MAGI3: variants seen among roughly 807,000 people sequenced by gnomAD.
MAGI3 encodes membrane-associated guanylate kinase, WW and PDZ domain-containing protein 3.
A neutral mutation model predicts 121.8 loss-of-function variants in MAGI3; 43 were observed. The observed-to-expected ratio is 0.35, with a 90% CI of 0.28 to 0.46. The LOEUF (loss-of-function observed/expected upper bound fraction) is 0.46, where lower values mean the gene tolerates loss of function less well. Among genes scored for constraint, MAGI3 ranks in the 20% least tolerant of loss-of-function variants. MAGI3 has a pLI of 1.00. For missense variants in MAGI3, 1,547 were observed against 1,797.3 expected (o/e 0.86, Z 2.52); for synonymous variants, 553 against 639.3 (o/e 0.86, Z 2.04).
chr1:113,638,154 A>C (rs1340792095), intron 9 of MAGI3, among the ~76,000 whole-genome samples: 1 of 152,096 alleles, frequency 6.6e-6, no homozygotes, highest in Non-Finnish European at 1.5e-5. Flanking sequence ...AAAGTTTTTA[A>C]CTTCTTTGCC....
chr1:113,684,103 T>TA lies in MAGI3; in HGVS notation c.*89_*90insA. On this transcript the variant is annotated 3_prime_UTR_variant, in exon 21 of 21. Coordinates refer to ENST00000307546, the MANE Select transcript of MAGI3 (RefSeq NM_001142782.2). ...AAAGCCTTTTTTTTTTTTTCAGATATTCTGAAACAGATAAGTACATGTTAA... is the reference window on the plus strand; with the variant it reads ...AAAGCCTTTTTTTTTTTTTCAGATATATCTGAAACAGATAAGTACATGTTAA... 1 of 1,347,112 alleles carries TA rather than the reference T, an allele frequency of 7.4e-7. No individual in the cohort carries two copies. The highest frequency in any genetic ancestry group is 9.9e-7 in the Non-Finnish European group (1 of 1,011,786). 83.4% of individuals were successfully genotyped at this position (1,347,112 alleles called of 1,614,324 possible). A position where few individuals can be genotyped will look rare whatever the true frequency, so the allele number is the denominator to read the frequency against.
intron 1 of MAGI3, among the ~76,000 whole-genome samples, chr1:113,485,473 A>G (rs1246950922): frequency 6.6e-6 from 1 of 152,086 alleles, no homozygotes; most frequent in Non-Finnish European, 1.5e-5. Flanking sequence ...AGAGTTATCT[A>G]TTCATGTCCT....
chr1:113,567,301 C>A (rs1455363145), intron 2 of MAGI3, among the ~76,000 whole-genome samples: 1 of 151,814 alleles, frequency 6.6e-6, no homozygotes, highest in Admixed American at 6.6e-5. Context: ...CAAAAACCTC[C>A]CAACAAAGAA....
Position 113,683,919 on chromosome 1 carries a change from C to CG in MAGI3, c.4351_4352insG (p.Pro1451ArgfsTer3). On this transcript the variant is annotated frameshift_variant, in exon 21 of 21. Coordinates refer to ENST00000307546, the MANE Select transcript of MAGI3 (RefSeq NM_001142782.2). LOFTEE classifies it high-confidence loss of function. ...AAGGTTCAAACCGGAAAGCAGTTCT[C>CG]CAGTTAAGAAAACACTGATAACTCC... 1 of 1,611,180 alleles carries CG rather than the reference C, an allele frequency of 6.2e-7. No homozygotes were observed. Among genetic ancestry groups the CG allele is most frequent in the Non-Finnish European group, 8.5e-7 (1 of 1,178,710 alleles).
chr1:113,625,468 T>C (rs1299534971), intron 9 of MAGI3, among the ~76,000 whole-genome samples: 1 of 152,216 alleles, frequency 6.6e-6, no homozygotes. Context: ...CTATTGTGAA[T>C]AGGATTACTT....
At chr1:113,452,107 G>A (rs1654512782) in intron 1 of MAGI3, among the ~76,000 whole-genome samples, 1 of 152,154 alleles carries the variant, frequency 6.6e-6, no homozygotes, top group Non-Finnish European at 1.5e-5. Context: ...CTGAGCAGAA[G>A]CAGGGCAAAC....
intron 1 of MAGI3, among the ~76,000 whole-genome samples, chr1:113,428,370 A>T (rs1455241170): frequency 6.6e-6 from 1 of 152,132 alleles, no homozygotes; most frequent in African/African-American, 2.4e-5. Flanking sequence ...TAGTTCATTC[A>T]GCTCTATTTA....
chr1:113,496,997 C>G (rs1056102910), intron 1 of MAGI3, among the ~76,000 whole-genome samples: 1 of 152,168 alleles, frequency 6.6e-6, no homozygotes. Flanking sequence ...GTGGCTCACA[C>G]CTGTAGTCCC....
intron 16 of MAGI3, among the ~76,000 whole-genome samples, chr1:113,664,209 C>CTAT (rs1359171902): frequency 2.0e-5 from 3 of 152,186 alleles, no homozygotes; most frequent in African/African-American, 7.2e-5. Context: ...TCTAATTCCT[C>CTAT]TATTTACAGG....
chr1:113,421,495 A>C (rs576916069), intron 1 of MAGI3, among the ~76,000 whole-genome samples: 2 of 152,318 alleles, frequency 1.3e-5, no homozygotes, highest in Admixed American at 6.5e-5. Context: ...CATAAAATCC[A>C]GGCTTTAGAG....
At chr1:113,444,846 C>T (rs756046988) in intron 1 of MAGI3, among the ~76,000 whole-genome samples, 16 of 152,156 alleles carry the variant, frequency 1.1e-4, no homozygotes, top group Admixed American at 2.6e-4. Flanking sequence ...TAAAGGAAGA[C>T]GTGGGGAAAG....
intron 1 of MAGI3, among the ~76,000 whole-genome samples, chr1:113,503,969 A>G (rs992183177): frequency 3.3e-5 from 5 of 152,060 alleles, no homozygotes; most frequent in African/African-American, 1.2e-4. Flanking sequence ...GACCTTTAGG[A>G]TCTTTTATCT....
chr1:113,630,263 C>T (rs1195328966), intron 9 of MAGI3, among the ~76,000 whole-genome samples: 1 of 152,118 alleles, frequency 6.6e-6, no homozygotes, highest in African/African-American at 2.4e-5. Flanking sequence ...GGGGTGTTGC[C>T]AGGCCACTGC....
intron 6 of MAGI3, among the ~76,000 whole-genome samples, chr1:113,614,105 A>G (rs2101774568): frequency 6.6e-6 from 1 of 152,334 alleles, no homozygotes; most frequent in Non-Finnish European, 1.5e-5. Context: ...AAGAGAAAGC[A>G]GGTACTTTTG....
At chr1:113,642,798 A>G (rs1035893821) in intron 10 of MAGI3, among the ~76,000 whole-genome samples, 1 of 152,234 alleles carries the variant, frequency 6.6e-6, no homozygotes, top group African/African-American at 2.4e-5. Flanking sequence ...GAGTCACAGC[A>G]TTGTGATACT....
chr1:113,597,437 C>T (rs1649089721), intron 6 of MAGI3, among the ~76,000 whole-genome samples: 1 of 152,136 alleles, frequency 6.6e-6, no homozygotes, highest in Non-Finnish European at 1.5e-5. Flanking sequence ...GAACTGTATA[C>T]TTAAAACAGA....
At chr1:113,600,120 G>A (rs1649274303) in intron 6 of MAGI3, among the ~76,000 whole-genome samples, 1 of 152,092 alleles carries the variant, frequency 6.6e-6, no homozygotes, top group South Asian at 2.1e-4. Flanking sequence ...ATATCATACT[G>A]AATGGGCAAA....
At chr1:113,521,420 G>T (rs4369229) in intron 1 of MAGI3, among the ~76,000 whole-genome samples, 102,812 of 133,060 alleles carry the variant, frequency 0.77, 36,696 homozygotes, top group South Asian at 0.81. Flanking sequence ...TTTGTTTTTT[G>T]TTTTTAAGAT....
chr1:113,488,542 G>T (rs1204734867), intron 1 of MAGI3, among the ~76,000 whole-genome samples: 2 of 152,210 alleles, frequency 1.3e-5, no homozygotes, highest in African/African-American at 4.8e-5. Flanking sequence ...TTTCAGCAGG[G>T]TGGTTTCTGT....
Sources: gnomAD v4.1 joint callset for allele counts (sites outside exome capture counted in the v4.1 genomes callset) on GRCh38, gnomAD v4.1.1 for gene constraint, MANE v1.5 for transcripts, NCBI Gene and HGNC (gene_info 2026-07-23, HGNC 2026-07-21) for gene names.